The following IFT43 variants were observed in gnomAD, a reference collection of about 807,000 sequenced individuals.
The protein encoded by IFT43 is intraflagellar transport 43.
Under a neutral mutation model 32.3 loss-of-function variants are expected in IFT43, and 33 were observed. The ratio of observed to expected loss-of-function variants is 1.02; its 90% CI spans 0.77 to 1.37. The LOEUF is 1.37. Among genes scored for constraint, IFT43 ranks in the 40% most tolerant of loss-of-function variants. The pLI is 0.00. For synonymous variants in IFT43, 93 were observed against 98.2 expected (o/e 0.95, Z 0.31); for missense variants, 274 against 265.9 (o/e 1.03, Z -0.21).
At chr14:76,023,061 A>T (rs2036324400) in intron 3 of IFT43, among the ~76,000 whole-genome samples, 1 of 152,220 alleles carries the variant, frequency 6.6e-6, no homozygotes, top group African/African-American at 2.4e-5. Context: ...GAAGGCTGGG[A>T]AACCTGATGT....
At position 76,062,611 on chromosome 14, in the gene IFT43, A is replaced by G. The variant is rs189734403; in HGVS notation, c.295+3238A>G. Among the ~76,000 whole-genome samples the G allele has an allele frequency of 5.6e-4, 85 of 152,230 alleles. 1 individual carries two copies. Among genetic ancestry groups the G allele is most frequent in the African/African-American group, 1.9e-3 (78 of 41,550 alleles). ...GAACGTGTATTGCTTTTGCACCATC[A>G]TAAAGTTGAAAATGCGTTAAGTCAG... On this transcript the variant is annotated intron_variant, in intron 5 of 8. Coordinates refer to ENST00000314067, the MANE Select transcript of IFT43 (RefSeq NM_001102564.3).
intron 2 of IFT43, among the ~76,000 whole-genome samples, chr14:76,020,165 G>C (rs1168314654): frequency 1.3e-5 from 2 of 152,044 alleles, no homozygotes; most frequent in African/African-American, 4.8e-5. Flanking sequence ...AGTATAGATG[G>C]GGTTTCACCA....
chr14:76,045,606 C>T (rs1037031671), intron 3 of IFT43, among the ~76,000 whole-genome samples: 2 of 152,204 alleles, frequency 1.3e-5, no homozygotes, highest in African/African-American at 4.8e-5. Context: ...GGAGCTCTTT[C>T]CCTTTCTGCC....
chr14:76,041,304 T>A (rs1419227519), intron 3 of IFT43, among the ~76,000 whole-genome samples: 1 of 152,184 alleles, frequency 6.6e-6, no homozygotes, highest in African/African-American at 2.4e-5. Flanking sequence ...TCTTAGAAGG[T>A]CAGGAAAGAA....
intron 2 of IFT43, among the ~76,000 whole-genome samples, chr14:76,005,168 T>C (rs2035958762): frequency 1.3e-5 from 2 of 152,254 alleles, no homozygotes; most frequent in Admixed American, 6.5e-5. Context: ...ACATTGTAGA[T>C]GAAAAATTAC....
At chr14:76,043,289 G>T (rs547249868) in intron 3 of IFT43, among the ~76,000 whole-genome samples, 1 of 152,342 alleles carries the variant, frequency 6.6e-6, no homozygotes, top group African/African-American at 2.4e-5. Flanking sequence ...AGGCATGAAT[G>T]AACCACCACA....
chr14:76,081,801 G>A (rs1002496327), intron 5 of IFT43, among the ~76,000 whole-genome samples: 1 of 152,166 alleles, frequency 6.6e-6, no homozygotes, highest in Admixed American at 6.5e-5. Flanking sequence ...CCTGATGATT[G>A]CACTGCGGGG....
intron 2 of IFT43, among the ~76,000 whole-genome samples, chr14:76,003,129 T>C (rs2035920927): frequency 6.6e-6 from 1 of 152,228 alleles, no homozygotes; most frequent in South Asian, 2.1e-4. Context: ...TCGAATGTCA[T>C]TGGTGATAGA....
intron 3 of IFT43, among the ~76,000 whole-genome samples, chr14:76,050,615 C>T (rs1389634210): frequency 6.6e-6 from 1 of 151,894 alleles, no homozygotes. Context: ...CACCGCTGTA[C>T]CCATCTGGTG....
At chr14:76,040,588 T>C (rs1043744587) in intron 3 of IFT43, among the ~76,000 whole-genome samples, 1 of 152,216 alleles carries the variant, frequency 6.6e-6, no homozygotes, top group Non-Finnish European at 1.5e-5. Flanking sequence ...TTCATTGCAG[T>C]TTAAGGCCTC....
Position 76,022,231 on chromosome 14 carries a change from A to G in IFT43, c.148-96A>G, listed in dbSNP as rs1224598264. The G allele has an allele frequency of 7.0e-6, 8 of 1,137,136 alleles. No homozygotes were observed. In the South Asian group the frequency reaches 1.0e-4, roughly 14 times the overall value. 70.4% of individuals were successfully genotyped at this position (1,137,136 alleles called of 1,614,324 possible). A position where few individuals can be genotyped will look rare whatever the true frequency, so the allele number is the denominator to read the frequency against. On this transcript the variant is annotated intron_variant, in intron 2 of 8. Transcript: ENST00000314067. ...GCACCACTGCACTCCAGCCTGGGTG[A>G]CAGAGTGAGATTTCATCTCAAAAAA...
intron 2 of IFT43, among the ~76,000 whole-genome samples, chr14:76,001,174 G>A (rs532810211): frequency 1.5e-3 from 225 of 152,272 alleles, no homozygotes; most frequent in African/African-American, 5.0e-3. Context: ...ACAACTGGAC[G>A]GGGATGGATC....
At chr14:76,001,450 G>T (rs1344903200) in intron 2 of IFT43, among the ~76,000 whole-genome samples, 1 of 152,160 alleles carries the variant, frequency 6.6e-6, no homozygotes, top group Non-Finnish European at 1.5e-5. Flanking sequence ...ACTTCCAGGG[G>T]CCCATGCAGG....
intron 5 of IFT43, among the ~76,000 whole-genome samples, chr14:76,071,478 G>A (rs11844579): frequency 0.01 from 1,531 of 152,186 alleles, 25 homozygotes; most frequent in African/African-American, 0.034. Context: ...CTCCAGGTGC[G>A]GGGAAAGGTC....
At chr14:76,038,623 G>T (rs995311274) in intron 3 of IFT43, among the ~76,000 whole-genome samples, 2 of 152,140 alleles carry the variant, frequency 1.3e-5, no homozygotes, top group Non-Finnish European at 2.9e-5. Flanking sequence ...GGATTCAGTT[G>T]CATTGTTTAT....
rs555189601 is a variant in IFT43 at position 76,057,680 on chromosome 14, G to A, written c.216-962G>A. 3.9e-5 allele frequency among the ~76,000 whole-genome samples: 6 copies of A among 152,272 alleles called. No homozygotes were observed. The South Asian group carries it at 1.2e-3, about 32-fold the overall frequency. On this transcript the variant is annotated intron_variant, in intron 3 of 8. Coordinates refer to ENST00000314067, the MANE Select transcript of IFT43 (RefSeq NM_001102564.3). ...CAAGGCTGGTGGCCTACCCTGTCAA[G>A]GTCTACATCCTGCCTCCAGGCCATT...
chr14:76,009,325 C>A (rs1218907420), intron 2 of IFT43, among the ~76,000 whole-genome samples: 1 of 152,218 alleles, frequency 6.6e-6, no homozygotes, highest in Non-Finnish European at 1.5e-5. Context: ...TGTAGTAGTA[C>A]CCACTTCATC....
chr14:76,047,609 T>C (rs949032847), intron 3 of IFT43, among the ~76,000 whole-genome samples: 1 of 152,082 alleles, frequency 6.6e-6, no homozygotes, highest in Non-Finnish European at 1.5e-5. Context: ...AATTCTTAAG[T>C]AGGAAGAGAG....
chr14:76,076,534 G>A (rs926886611), intron 5 of IFT43: 9 of 1,606,228 alleles, frequency 5.6e-6, no homozygotes, highest in South Asian at 4.5e-5. Flanking sequence ...GAAGAGCTGG[G>A]TAGTGCTTGG....
Sources: allele counts gnomAD v4.1 joint callset (sites outside exome capture counted in the v4.1 genomes callset), GRCh38; gene constraint gnomAD v4.1.1; transcripts MANE v1.5; gene names NCBI Gene and HGNC (gene_info 2026-07-23, HGNC 2026-07-21).